Variants in LIN28B observed in about 807,000 individuals in gnomAD.
The protein encoded by LIN28B is protein lin-28 homolog B.
A neutral mutation model predicts 21.9 loss-of-function variants in LIN28B; 5 were observed. The observed-to-expected ratio is 0.23, with a 90% CI of 0.12 to 0.48. The LOEUF is 0.48. LIN28B is among the 20% of genes least tolerant of loss of function. LIN28B has a pLI of 0.98. For synonymous variants in LIN28B, 109 were observed against 111.3 expected, an observed-to-expected ratio of 0.98 and a Z score of 0.13; for missense variants, 245 against 310.5, an observed-to-expected ratio of 0.79 and a Z score of 1.58.
At chr6:104,986,955 T>A (rs1277305907) in intron 2 of LIN28B, among the ~76,000 whole-genome samples, 2 of 152,202 alleles carry the variant, frequency 1.3e-5, no homozygotes, top group Non-Finnish European at 2.9e-5. Flanking sequence ...TTTCTTTTTT[T>A]AAAAATCATC....
chr6:104,970,602 G>A (rs1040774558), intron 2 of LIN28B, among the ~76,000 whole-genome samples: 4 of 152,032 alleles, frequency 2.6e-5, no homozygotes, highest in South Asian at 2.1e-4. Flanking sequence ...TTAATCTACC[G>A]TGGTAGTTTC....
At chr6:104,995,706 A>G (rs1240930033) in intron 2 of LIN28B, among the ~76,000 whole-genome samples, 1 of 152,150 alleles carries the variant, frequency 6.6e-6, no homozygotes, top group Non-Finnish European at 1.5e-5. Flanking sequence ...CACAAGAAGC[A>G]TATCTTCTGT....
At chr6:104,984,818 T>G (rs1272813489) in intron 2 of LIN28B, among the ~76,000 whole-genome samples, 1 of 152,226 alleles carries the variant, frequency 6.6e-6, no homozygotes, top group Non-Finnish European at 1.5e-5. Flanking sequence ...ATGTTATGAG[T>G]GACTTCTTTG....
intron 2 of LIN28B, among the ~76,000 whole-genome samples, chr6:105,004,433 C>G (rs1181350177): frequency 1.3e-5 from 2 of 152,042 alleles, no homozygotes; most frequent in Non-Finnish European, 2.9e-5. Context: ...GGGTAGTGGT[C>G]TCTTTTGGTA....
intron 2 of LIN28B, among the ~76,000 whole-genome samples, chr6:104,965,411 C>G (rs1769834814): frequency 6.6e-6 from 1 of 152,152 alleles, no homozygotes; most frequent in African/African-American, 2.4e-5. Context: ...TCCCAAATAT[C>G]AGGGAGCCTG....
At chr6:104,957,697 TTC>T (rs1290862245) in intron 1 of LIN28B, among the ~76,000 whole-genome samples, 1 of 152,184 alleles carries the variant, frequency 6.6e-6, no homozygotes, top group Non-Finnish European at 1.5e-5. Flanking sequence ...TCTTCACGAT[TTC>T]TCTTTCCTCC....
chr6:105,061,133 A>G (rs1772114957), intron 3 of LIN28B, among the ~76,000 whole-genome samples: 2 of 152,350 alleles, frequency 1.3e-5, no homozygotes, highest in Middle Eastern at 3.4e-3. Flanking sequence ...AAGATAGTCT[A>G]CTTTATCATT....
At chr6:105,042,193 C>T (rs902490549) in intron 3 of LIN28B, among the ~76,000 whole-genome samples, 2 of 151,998 alleles carry the variant, frequency 1.3e-5, no homozygotes, top group African/African-American at 4.8e-5. Flanking sequence ...GAAAAAGTGC[C>T]ATTATGAGTA....
chr6:104,968,892 A>G (rs1341863893), intron 2 of LIN28B, among the ~76,000 whole-genome samples: 1 of 152,206 alleles, frequency 6.6e-6, no homozygotes, highest in Non-Finnish European at 1.5e-5. Flanking sequence ...AATATTTAAT[A>G]GATCATTAAC....
At chr6:104,970,929 A>T (rs949218746) in intron 2 of LIN28B, among the ~76,000 whole-genome samples, 8 of 152,114 alleles carry the variant, frequency 5.3e-5, no homozygotes, top group Admixed American at 6.5e-5. Context: ...AATAAAGTTA[A>T]ATGAGGATAA....
intron 2 of LIN28B, among the ~76,000 whole-genome samples, chr6:104,976,023 C>G (rs1330486355): frequency 4.6e-5 from 7 of 152,002 alleles, no homozygotes; most frequent in South Asian, 2.1e-4. Context: ...CATAGAATGG[C>G]TGATTGCCTA....
At chr6:104,971,143 C>T (rs1008999687) in intron 2 of LIN28B, among the ~76,000 whole-genome samples, 2 of 151,868 alleles carry the variant, frequency 1.3e-5, no homozygotes, top group African/African-American at 4.8e-5. Context: ...AAAATAGTAC[C>T]TTCTCTGCCA....
At chr6:104,970,451 C>T (rs959037880) in intron 2 of LIN28B, among the ~76,000 whole-genome samples, 1 of 152,108 alleles carries the variant, frequency 6.6e-6, no homozygotes, top group African/African-American at 2.4e-5. Context: ...CAGAATGAAG[C>T]ATAAAACTTT....
intron 3 of LIN28B, among the ~76,000 whole-genome samples, chr6:105,032,295 C>T (rs1381712786): frequency 1.3e-5 from 2 of 152,018 alleles, no homozygotes; most frequent in East Asian, 3.9e-4. Flanking sequence ...ATAATAAGGT[C>T]ATATATGTAT....
At chr6:104,973,561 C>T (rs1770022592) in intron 2 of LIN28B, among the ~76,000 whole-genome samples, 1 of 152,172 alleles carries the variant, frequency 6.6e-6, no homozygotes, top group Non-Finnish European at 1.5e-5. Context: ...GGAAGGAAGC[C>T]TGAGGCCCTG....
chr6:104,938,688 C>T (rs555701116), intron 2 of LIN28B, among the ~76,000 whole-genome samples: 2 of 151,738 alleles, frequency 1.3e-5, no homozygotes, highest in Admixed American at 6.6e-5. Flanking sequence ...AAGAGCCATA[C>T]GTAAATGATA....
At chr6:105,047,647 T>C (rs1771798636) in intron 3 of LIN28B, among the ~76,000 whole-genome samples, 2 of 152,266 alleles carry the variant, frequency 1.3e-5, no homozygotes, top group African/African-American at 4.8e-5. Context: ...TTCCTATCCA[T>C]GAGCATGGAA....
intron 2 of LIN28B, among the ~76,000 whole-genome samples, chr6:105,003,166 TAGAA>T (rs1427969686): frequency 6.6e-6 from 1 of 152,126 alleles, no homozygotes; most frequent in African/African-American, 2.4e-5. Context: ...GAAAAGGTAA[TAGAA>T]AGAGAAAGAT....
intron 3 of LIN28B, among the ~76,000 whole-genome samples, chr6:105,034,230 C>T (rs571657425): frequency 5.7e-4 from 86 of 151,808 alleles, no homozygotes; most frequent in African/African-American, 2.0e-3. Context: ...TCTTAACCTT[C>T]CACATATTTT....
Sources: gnomAD v4.1 joint callset for allele counts (sites outside exome capture counted in the v4.1 genomes callset) on GRCh38, gnomAD v4.1.1 for gene constraint, MANE v1.5 for transcripts, NCBI Gene and HGNC (gene_info 2026-07-23, HGNC 2026-07-21) for gene names.